KCNA6: variants seen among roughly 807,000 people sequenced by gnomAD.
KCNA6 encodes the protein human brain potassium channel-2.
KCNA6 carries 17 observed loss-of-function variants against 29.5 expected under a neutral mutation model. The observed-to-expected ratio is 0.58, with a 90% CI of 0.39 to 0.86. The LOEUF (loss-of-function observed/expected upper bound fraction) is 0.86. Ranked by LOEUF, KCNA6 falls within the 40% of genes least tolerant of loss-of-function variation. KCNA6 has a pLI of 0.00. For synonymous variants in KCNA6, 296 were observed against 304.7 expected (o/e 0.97, Z 0.30); for missense variants, 450 against 703.4 (o/e 0.64, Z 4.07).
rs1946615853 is a variant in KCNA6, at chr12:4,810,466, C to T, written c.425C>T (p.Pro142Leu). 1 of 1,613,936 alleles carries T rather than the reference C, an allele frequency of 6.2e-7. No individual in the cohort carries two copies. The highest frequency in any genetic ancestry group is 1.1e-5 in the South Asian group (1 of 91,076). Reference sequence around the variant, plus strand: ...TTCCGGGAGGACGAGGGCTGCCTGCCCGAAGGTGGCGAGGACGAGAAGCCG... The same window carrying T: ...TTCCGGGAGGACGAGGGCTGCCTGCTCGAAGGTGGCGAGGACGAGAAGCCG... The change falls in exon 1 of 1, where the codon CCC becomes CTC. Residue 142 changes from proline to leucine, a missense_variant. Coordinates refer to ENST00000280684, the Ensembl canonical transcript of KCNA6. The surrounding 1 kb of genome is among the most constrained non-coding windows in gnomAD (Gnocchi z 7.5).
rs748123129 is a variant in KCNA6 at position 4,811,304 on chromosome 12, C to G, written c.1263C>G (p.Thr421=). The G allele has an allele frequency of 6.2e-7, 1 of 1,614,212 alleles. No homozygotes were observed. Among genetic ancestry groups the G allele is most frequent in the Non-Finnish European group, 8.5e-7 (1 of 1,180,034 alleles). ...TCTGGTGGGCAGTGGTTACAATGACCACGGTAGGTTACGGGGACATGTACC... is the reference window on the plus strand; with the variant it reads ...TCTGGTGGGCAGTGGTTACAATGACGACGGTAGGTTACGGGGACATGTACC... The change falls in exon 1 of 1, where the codon ACC becomes ACG. Residue 421 remains threonine (T), a synonymous_variant. Coordinates refer to ENST00000280684, the Ensembl canonical transcript of KCNA6. The surrounding 1 kb of genome is among the most constrained non-coding windows in gnomAD (Gnocchi z 7.1).
chr12:4,845,189 T>C, the KCNA6 span, among the ~76,000 whole-genome samples: 1 of 152,184 alleles, frequency 6.6e-6, no homozygotes, highest in African/African-American at 2.4e-5. Context: ...GTTTATTTCT[T>C]CTCTGGATGG....
chr12:4,836,784 G>T, the KCNA6 span, among the ~76,000 whole-genome samples: 1 of 152,190 alleles, frequency 6.6e-6, no homozygotes, highest in African/African-American at 2.4e-5. Context: ...CTAGCATTGA[G>T]GGCACCCAGT....
chr12:4,825,990 A>C, the KCNA6 span, among the ~76,000 whole-genome samples: 2 of 152,230 alleles, frequency 1.3e-5, no homozygotes, highest in African/African-American at 4.8e-5. Flanking sequence ...TTTACTCACT[A>C]TCCTATTTAT....
rs866418364 is a variant in KCNA6, at chr12:4,810,765, G to A, written c.724G>A (p.Glu242Lys). The change falls in exon 1 of 1, where the codon GAA becomes AAA. Residue 242 changes from glutamate to lysine, a missense_variant. Around this residue, in one of 7 missense-constraint regions of KCNA6, gnomAD observed 74 missense variants for 71.5 expected, o/e 1.03. Coordinates refer to ENST00000280684, the Ensembl canonical transcript of KCNA6. This position sits in a 1 kb window ranked among gnomAD's most constrained non-coding sequence, Gnocchi z 7.5. ...ATTTCATCATGGCATCACCCCTGGG[G>A]AAATGGGGACCGGGGGCTCCTCCTC... 2 of 1,601,280 alleles carry A rather than the reference G, an allele frequency of 1.2e-6. No homozygotes were observed. Among genetic ancestry groups the A allele is most frequent in the Non-Finnish European group, 1.7e-6 (2 of 1,173,912 alleles).
chr12:4,839,138 A>G, the KCNA6 span: 1 of 152,236 alleles, frequency 6.6e-6, no homozygotes, highest in East Asian at 1.9e-4. Flanking sequence ...AGCTTAAGGA[A>G]GACTTGGTTT....
chr12:4,850,628 C>A, the KCNA6 span: 1,469 of 323,098 alleles, frequency 4.5e-3, 13 homozygotes, highest in African/African-American at 0.029. This position sits in a 1 kb window ranked among gnomAD's most constrained non-coding sequence, Gnocchi z 5.4. Flanking sequence ...CAAATGCCAG[C>A]GGGGTGAGGA....
the KCNA6 span, among the ~76,000 whole-genome samples, chr12:4,834,065 A>G: frequency 6.6e-6 from 1 of 151,680 alleles, no homozygotes; most frequent in Admixed American, 6.6e-5. Flanking sequence ...AATAGCTGGG[A>G]CTACAGGCAC....
chr12:4,809,875 G>A, exon 1 of KCNA6: 4 of 739,780 alleles, frequency 5.4e-6, no homozygotes, highest in Middle Eastern at 3.9e-4. Flanking sequence ...GCAGGGACCA[G>A]GGCTTTAGGG....
At position 4,810,706 on chromosome 12, in the gene KCNA6, A is replaced by G; in HGVS notation, c.665A>G (p.Gln222Arg). The G allele has an allele frequency of 6.2e-7, 1 of 1,613,958 alleles. No homozygotes were observed. The highest frequency in any genetic ancestry group is 8.5e-7 in the Non-Finnish European group (1 of 1,179,886). ...GTCTCCCCAGTTTCCAGGGGGAGTC[A>G]GGAGGAAGAGGAGGATGAAGACGAT... The change falls in exon 1 of 1, where the codon CAG becomes CGG. Residue 222 changes from glutamine (Q) to arginine (R), a missense_variant. Gln to Arg is a conservative substitution (Grantham distance 43, BLOSUM62 1). Transcript: ENST00000280684. The surrounding 1 kb of genome is among the most constrained non-coding windows in gnomAD (Gnocchi z 7.5).
the KCNA6 span, among the ~76,000 whole-genome samples, chr12:4,824,463 A>T: frequency 6.6e-6 from 1 of 152,232 alleles, no homozygotes; most frequent in African/African-American, 2.4e-5. Context: ...GGGGCTTACT[A>T]CCTTCTTAGA....
chr12:4,822,871 C>T, the KCNA6 span, among the ~76,000 whole-genome samples: 1 of 152,226 alleles, frequency 6.6e-6, no homozygotes, highest in Admixed American at 6.5e-5. Flanking sequence ...TCGATCTTGC[C>T]TCTCCTGGGT....
At chr12:4,846,940 A>G in the KCNA6 span, among the ~76,000 whole-genome samples, 2 of 150,368 alleles carry the variant, frequency 1.3e-5, no homozygotes. Flanking sequence ...CACCACGCCC[A>G]GCTAATTTTT....
In KCNA6 at chr12:4,811,268, C is replaced by G; in HGVS notation, c.1227C>G (p.Ile409Met). 6.2e-7 allele frequency: 1 copy of G among 1,614,240 alleles called. No individual in the cohort carries two copies. Among genetic ancestry groups the G allele is most frequent in the Non-Finnish European group, 8.5e-7 (1 of 1,180,040 alleles). Reference sequence around the variant, plus strand: ...ATGACGATTCGCTTTTTCCCAGCATCCCGGATGCCTTCTGGTGGGCAGTGG... The same window carrying G: ...ATGACGATTCGCTTTTTCCCAGCATGCCGGATGCCTTCTGGTGGGCAGTGG... Residue 409 changes from isoleucine to methionine, a missense_variant, in exon 1 of 1, where the codon ATC becomes ATG. Ile to Met is a conservative substitution (Grantham distance 10). Transcript: ENST00000280684. This position sits in a 1 kb window ranked among gnomAD's most constrained non-coding sequence, Gnocchi z 7.1.
chr12:4,850,375 T>C, the KCNA6 span, among the ~76,000 whole-genome samples: 1 of 152,290 alleles, frequency 6.6e-6, no homozygotes, highest in African/African-American at 2.4e-5. The surrounding 1 kb of genome is among the most constrained non-coding windows in gnomAD (Gnocchi z 5.4). Context: ...CAGATGAGAC[T>C]GTGCCTTCTG....
chr12:4,837,693 A>G, the KCNA6 span, among the ~76,000 whole-genome samples: 2 of 152,150 alleles, frequency 1.3e-5, no homozygotes, highest in Non-Finnish European at 2.9e-5. Context: ...TCACAGACGC[A>G]TATGGAAATA....
At chr12:4,846,439 A>G in the KCNA6 span, among the ~76,000 whole-genome samples, 1 of 152,148 alleles carries the variant, frequency 6.6e-6, no homozygotes, top group Admixed American at 6.6e-5. Context: ...TGTTCATCCT[A>G]CTTTATTATG....
the KCNA6 span, among the ~76,000 whole-genome samples, chr12:4,824,042 C>G: frequency 1.3e-5 from 2 of 152,162 alleles, no homozygotes; most frequent in Non-Finnish European, 2.9e-5. Flanking sequence ...TGGTGTCTGC[C>G]TGTGTGACCC....
At chr12:4,828,481 T>C in the KCNA6 span, among the ~76,000 whole-genome samples, 2 of 151,992 alleles carry the variant, frequency 1.3e-5, no homozygotes, top group African/African-American at 4.8e-5. Context: ...GACTCCTTCC[T>C]TGGCTATACT....
Sources: allele counts gnomAD v4.1 joint callset (sites outside exome capture counted in the v4.1 genomes callset), GRCh38; gene constraint gnomAD v4.1.1; regional missense constraint gnomAD v4.1.1; non-coding constraint Gnocchi (gnomAD v3.1); transcripts MANE v1.5; gene names NCBI Gene and HGNC (gene_info 2026-07-23, HGNC 2026-07-21).